CBFA2T3: variants seen among roughly 807,000 people sequenced by gnomAD.
The protein encoded by CBFA2T3 is CBFA2/RUNX1 partner transcriptional co-repressor 3.
Under a neutral mutation model 58.6 loss-of-function variants are expected in CBFA2T3, and 31 were observed. That is an observed-to-expected ratio of 0.53 (90% CI 0.40 to 0.71). CBFA2T3 has a LOEUF of 0.71. Among genes scored for constraint, CBFA2T3 ranks in the 30% least tolerant of loss-of-function variants. CBFA2T3 has a pLI of 0.00. For synonymous variants in CBFA2T3, 531 were observed against 421.9 expected (o/e 1.26, Z -3.17); for missense variants, 1,076 against 963.1 (o/e 1.12, Z -1.55).
At chr16:88,892,554 G>C in intron 3 of CBFA2T3, 69 bp from the exon 4 acceptor site, 2 of 1,562,726 alleles carry the variant, frequency 1.3e-6, no homozygotes, top group South Asian at 1.1e-5. Flanking sequence ...GGCGGCGACA[G>C]TGAGGGAAGC....
At chr16:88,918,103 T>C (rs1332887081) in intron 1 of CBFA2T3, among the ~76,000 whole-genome samples, 1 of 152,072 alleles carries the variant, frequency 6.6e-6, no homozygotes, top group Non-Finnish European at 1.5e-5. Context: ...GTGGCCCCCA[T>C]GGAGAGACAG....
intron 1 of CBFA2T3, among the ~76,000 whole-genome samples, chr16:88,975,424 C>G (rs1007887840): frequency 6.6e-6 from 1 of 152,234 alleles, no homozygotes; most frequent in East Asian, 1.9e-4. Context: ...CTCTCCGCGC[C>G]GGTGAGAACC....
Position 88,885,244 on chromosome 16 carries a change from C to G in CBFA2T3, c.919G>C (p.Asp307His), listed in dbSNP as rs747324207. Residue 307 changes from aspartate to histidine, a missense_variant, in exon 7 of 12, where the codon GAC becomes CAC. By Grantham distance (81) the Asp-to-His change is moderately conservative. Coordinates refer to ENST00000268679, the MANE Select transcript of CBFA2T3 (RefSeq NM_005187.6). This position sits in a 1 kb window ranked among gnomAD's most constrained non-coding sequence, Gnocchi z 5.3. ...CTGAGGTGCTCGGGGTGCAGCGGGT[C>G]GCGGTCTGACCCGTTCTCTTTGGTC... ...DRTKENGSDR[D>H]PLHPEHLSKR... 6.4e-7 allele frequency: 1 copy of G among 1,572,574 alleles called. No homozygotes were observed. The highest frequency in any genetic ancestry group is 2.3e-5 in the East Asian group (1 of 44,004).
intron 3 of CBFA2T3, among the ~76,000 whole-genome samples, chr16:88,897,609 T>G (rs1280781289): frequency 6.6e-6 from 1 of 152,234 alleles, no homozygotes; most frequent in Admixed American, 6.5e-5. Flanking sequence ...GGGGCCATGA[T>G]GACTTCCATT....
intron 1 of CBFA2T3, among the ~76,000 whole-genome samples, chr16:88,952,354 A>G (rs1385046925): frequency 1.3e-5 from 2 of 151,292 alleles, no homozygotes; most frequent in Non-Finnish European, 3.0e-5. Context: ...GCTTTCAGCA[A>G]GACAAATGCC....
chr16:88,907,187 C>T (rs1053155743), intron 1 of CBFA2T3, among the ~76,000 whole-genome samples: 5 of 152,216 alleles, frequency 3.3e-5, no homozygotes, highest in African/African-American at 9.6e-5. Context: ...AAACAGCTCC[C>T]GAGGCCCAGC....
At chr16:88,895,769 G>A (rs1012058662) in intron 3 of CBFA2T3, among the ~76,000 whole-genome samples, 2 of 152,206 alleles carry the variant, frequency 1.3e-5, no homozygotes, top group Admixed American at 1.3e-4. Flanking sequence ...ACACCAGCGT[G>A]GTGAGGAAGT....
intron 1 of CBFA2T3, among the ~76,000 whole-genome samples, chr16:88,940,746 C>T (rs1280379642): frequency 1.3e-5 from 2 of 152,108 alleles, no homozygotes; most frequent in East Asian, 1.9e-4. Context: ...GAAAACCGGG[C>T]GGCCCCAGGG....
At chr16:88,946,177 G>A (rs1026724795) in intron 1 of CBFA2T3, among the ~76,000 whole-genome samples, 1 of 151,956 alleles carries the variant, frequency 6.6e-6, no homozygotes, top group African/African-American at 2.4e-5. Context: ...GCGTGGTGGC[G>A]GTGCCTGTAA....
chr16:88,932,822 A>G (rs902221402), intron 1 of CBFA2T3, among the ~76,000 whole-genome samples: 4 of 133,126 alleles, frequency 3.0e-5, no homozygotes, highest in East Asian at 4.4e-4. Context: ...AAAAAAAAAA[A>G]GCCGGGTGCA....
chr16:88,910,844 C>A (rs1052775608), intron 1 of CBFA2T3, among the ~76,000 whole-genome samples: 2 of 152,146 alleles, frequency 1.3e-5, no homozygotes, highest in East Asian at 3.9e-4. Context: ...CCCCCCAAAT[C>A]CCCTCGTATC....
At chr16:88,888,160 G>A (rs1029473777) in intron 5 of CBFA2T3, among the ~76,000 whole-genome samples, 2 of 152,004 alleles carry the variant, frequency 1.3e-5, no homozygotes, top group East Asian at 4.0e-4. Context: ...GAGAGAGAGG[G>A]CCCAAGCCAG....
intron 1 of CBFA2T3, among the ~76,000 whole-genome samples, chr16:88,934,332 C>A (rs1441494677): frequency 6.6e-6 from 1 of 152,262 alleles, no homozygotes; most frequent in South Asian, 2.1e-4. Context: ...AGGCTCCATG[C>A]ACGTTCCCGA....
intron 1 of CBFA2T3, among the ~76,000 whole-genome samples, chr16:88,902,100 C>T (rs903562156): frequency 3.9e-5 from 6 of 152,202 alleles, no homozygotes; most frequent in East Asian, 1.9e-4. Flanking sequence ...TTTGCATTTC[C>T]GGCATGTTCC....
At chr16:88,927,776 C>T (rs997997688) in intron 1 of CBFA2T3, among the ~76,000 whole-genome samples, 1 of 152,230 alleles carries the variant, frequency 6.6e-6, no homozygotes, top group Non-Finnish European at 1.5e-5. Context: ...CGGGAGCCAA[C>T]ACTGACCCGA....
rs1972875436 is a variant in CBFA2T3 at position 88,976,819 on chromosome 16, C to A, written c.-12G>T. 1.3e-6 allele frequency: 2 copies of A among 1,545,164 alleles called. No individual in the cohort carries two copies. Among genetic ancestry groups the A allele is most frequent in the Non-Finnish European group, 1.8e-6 (2 of 1,141,766 alleles). ...CTTGAAGCCGGCATGAGGAGGGCCA[C>A]CCTCAGGGGCCAACCTGGAGCCCAG... On this transcript the variant is annotated 5_prime_UTR_variant, in exon 1 of 12. Transcript: ENST00000268679.
chr16:88,888,421 C>T (rs1182467076), intron 5 of CBFA2T3, among the ~76,000 whole-genome samples: 9 of 98,052 alleles, frequency 9.2e-5, no homozygotes, highest in Non-Finnish European at 1.6e-4. Context: ...AGGTCGGACT[C>T]CCCCACTGCA....
intron 2 of CBFA2T3, 146 bp downstream of exon 2, chr16:88,901,358 C>A (rs1018725008): frequency 9.8e-6 from 5 of 509,114 alleles, no homozygotes; most frequent in African/African-American, 6.1e-5. Flanking sequence ...ACCGGCCAAG[C>A]CTGGGCTCTG....
chr16:88,935,356 G>GC (rs1224369843), intron 1 of CBFA2T3, among the ~76,000 whole-genome samples: 1 of 152,212 alleles, frequency 6.6e-6, no homozygotes, highest in Non-Finnish European at 1.5e-5. Context: ...CCTGGTGAGA[G>GC]CCCCCCACCA....
Sources: allele counts gnomAD v4.1 joint callset (sites outside exome capture counted in the v4.1 genomes callset), GRCh38; gene constraint gnomAD v4.1.1; non-coding constraint Gnocchi (gnomAD v3.1); transcripts MANE v1.5; gene names NCBI Gene and HGNC (gene_info 2026-07-23, HGNC 2026-07-21).